The following PHTF2 variants were observed in gnomAD, a reference collection of about 807,000 sequenced individuals.
PHTF2 encodes putative homeodomain transcription factor 2, also known as protein PHTF2.
In PHTF2, 60 loss-of-function variants were observed where a neutral mutation model predicts 101.2. That is an observed-to-expected ratio of 0.59 (90% CI 0.48 to 0.73). The LOEUF (loss-of-function observed/expected upper bound fraction) is 0.73, where lower values mean the gene tolerates loss of function less well. PHTF2 is among the 30% of genes least tolerant of loss of function. The pLI is 0.00. For missense variants in PHTF2, 747 were observed against 908.7 expected, an observed-to-expected ratio of 0.82 and a Z score of 2.29; for synonymous variants, 311 against 307.3, an observed-to-expected ratio of 1.01 and a Z score of -0.13.
At chr7:77,887,632 G>A (rs1799984423) in intron 3 of PHTF2, among the ~76,000 whole-genome samples, 2 of 152,174 alleles carry the variant, frequency 1.3e-5, no homozygotes, top group South Asian at 4.1e-4. Context: ...ATCTTTAATT[G>A]ACCTTGTTGT....
chr7:77,911,324 G>C (rs192532558), intron 9 of PHTF2, among the ~76,000 whole-genome samples: 1 of 151,594 alleles, frequency 6.6e-6, no homozygotes, highest in Non-Finnish European at 1.5e-5. Context: ...TTGTATAGTT[G>C]TACCATCAAT....
At chr7:77,927,237 C>T (rs1472899361) in intron 11 of PHTF2, among the ~76,000 whole-genome samples, 1 of 144,352 alleles carries the variant, frequency 6.9e-6, no homozygotes, top group East Asian at 2.0e-4. Context: ...CACACACATA[C>T]ACATAAAGAG....
chr7:77,902,626 A>G (rs577493951), intron 7 of PHTF2, among the ~76,000 whole-genome samples: 101 of 152,300 alleles, frequency 6.6e-4, no homozygotes, highest in African/African-American at 2.3e-3. Context: ...GAGCATTTAG[A>G]AACTAAAGAA....
Position 77,923,835 on chromosome 7 carries a change from G to A in PHTF2, c.1119+1057G>A, listed in dbSNP as rs530047274. On this transcript the variant is annotated intron_variant, in intron 11 of 19. Transcript: ENST00000416283. ...GTATTTTTCTCACTCCATGATCTTGGCTTTTGTTGGTTTGCAACTGTATTT... is the reference window on the plus strand; with the variant it reads ...GTATTTTTCTCACTCCATGATCTTGACTTTTGTTGGTTTGCAACTGTATTT... 3 of 985,088 alleles carry A rather than the reference G, an allele frequency of 3.0e-6. No homozygotes were observed. In the East Asian group the frequency reaches 3.4e-4, roughly 112 times the overall value. 61.0% of individuals were successfully genotyped at this position (985,088 alleles called of 1,614,324 possible).
intron 1 of PHTF2, among the ~76,000 whole-genome samples, chr7:77,805,774 T>C (rs576918765): frequency 6.6e-6 from 1 of 152,366 alleles, no homozygotes; most frequent in East Asian, 1.9e-4. Context: ...TTGTGTATTT[T>C]GAATCATTTT....
chr7:77,856,764 A>T (rs1236481940), intron 3 of PHTF2, among the ~76,000 whole-genome samples: 1 of 152,124 alleles, frequency 6.6e-6, no homozygotes. Flanking sequence ...AGGTATTATA[A>T]ATAATCTAGA....
chr7:77,900,659 T>G (rs768668374), intron 5 of PHTF2, 52 bp from the exon 5 acceptor site: 1 of 890,458 alleles, frequency 1.1e-6, no homozygotes, highest in South Asian at 1.3e-5. Context: ...TTTTCTCCTG[T>G]TCTAGATTTA....
At chr7:77,916,892 T>A (rs1802981743) in intron 9 of PHTF2, among the ~76,000 whole-genome samples, 2 of 152,110 alleles carry the variant, frequency 1.3e-5, no homozygotes, top group Non-Finnish European at 2.9e-5. Flanking sequence ...CATTTTCAAT[T>A]TGAGGTTGGT....
intron 6 of PHTF2, among the ~76,000 whole-genome samples, chr7:77,901,242 C>T (rs1191476390): frequency 6.6e-6 from 1 of 152,190 alleles, no homozygotes; most frequent in African/African-American, 2.4e-5. Context: ...ACTGATATTC[C>T]AAACTATATC....
rs1804462696 is a variant in PHTF2, at chr7:77,930,451, A to AG, written c.1338+1125dup. On this transcript the variant is annotated intron_variant, in intron 12 of 19. Coordinates refer to ENST00000416283, the Ensembl canonical transcript of PHTF2. ...TCTCCATTCATCTACTCACTAGTCCAGAAACTTGGTGGTCATTTAAAATTC... is the reference window on the plus strand; with the variant it reads ...TCTCCATTCATCTACTCACTAGTCCAGGAAACTTGGTGGTCATTTAAAATTC... Among the ~76,000 whole-genome samples the AG allele has an allele frequency of 2.4e-5, 3 of 124,830 alleles. No homozygotes were observed. The Admixed American group carries it at 2.6e-4, about 11-fold the overall frequency. 81.9% of individuals were successfully genotyped at this position (124,830 alleles called of 152,430 possible).
At chr7:77,891,162 G>A (rs1800367420) in intron 3 of PHTF2, among the ~76,000 whole-genome samples, 1 of 151,738 alleles carries the variant, frequency 6.6e-6, no homozygotes, top group Non-Finnish European at 1.5e-5. Flanking sequence ...GCCTGCCTTG[G>A]CCTCCCAAAG....
chr7:77,930,965 A>G (rs568919172), intron 12 of PHTF2, among the ~76,000 whole-genome samples: 1 of 152,264 alleles, frequency 6.6e-6, no homozygotes, highest in South Asian at 2.1e-4. Context: ...TAGTATAGAC[A>G]TATAAACATA....
At chr7:77,854,499 T>C (rs1797012908) in intron 2 of PHTF2, among the ~76,000 whole-genome samples, 2 of 152,126 alleles carry the variant, frequency 1.3e-5, no homozygotes, top group South Asian at 4.2e-4. Flanking sequence ...AGTCAGCAGG[T>C]AGTAAATCCA....
chr7:77,835,131 A>T (rs1367705621), intron 1 of PHTF2, among the ~76,000 whole-genome samples: 2 of 151,954 alleles, frequency 1.3e-5, no homozygotes, highest in Non-Finnish European at 2.9e-5. Flanking sequence ...AAAATTAGCC[A>T]GGCGTGGTGG....
intron 1 of PHTF2, among the ~76,000 whole-genome samples, chr7:77,800,320 A>C (rs1437230312): frequency 6.6e-6 from 1 of 152,204 alleles, no homozygotes; most frequent in Non-Finnish European, 1.5e-5. Context: ...AGAATGAGCC[A>C]TGTCTGGGGC....
chr7:77,950,687 G>A (rs1365136652), intron 17 of PHTF2, among the ~76,000 whole-genome samples: 1 of 152,122 alleles, frequency 6.6e-6, no homozygotes, highest in East Asian at 1.9e-4. Flanking sequence ...TATGAAATTG[G>A]ACAAAATCAA....
At chr7:77,937,868 C>T in intron 13 of PHTF2, 30 bp downstream of exon 12, 1 of 1,273,386 alleles carries the variant, frequency 7.9e-7, no homozygotes, top group South Asian at 1.6e-5. Context: ...TCTTGTAGTT[C>T]AAGGGTAAGA....
At chr7:77,922,960 T>G in intron 11 of PHTF2, 182 bp downstream of exon 10, 1 of 1,315,444 alleles carries the variant, frequency 7.6e-7, no homozygotes. Flanking sequence ...GCACATGTAT[T>G]GATAGATAGC....
At chr7:77,931,640 A>G (rs886869276) in intron 12 of PHTF2, among the ~76,000 whole-genome samples, 1 of 152,208 alleles carries the variant, frequency 6.6e-6, no homozygotes, top group African/African-American at 2.4e-5. Context: ...GCTACTTTGA[A>G]GAGCAGTTTG....
Sources: allele counts gnomAD v4.1 joint callset (sites outside exome capture counted in the v4.1 genomes callset), GRCh38; gene constraint gnomAD v4.1.1; transcripts MANE v1.5; gene names NCBI Gene and HGNC (gene_info 2026-07-23, HGNC 2026-07-21).